Variants in ARMC9 observed in about 807,000 individuals in gnomAD.
ARMC9 encodes the protein armadillo repeat containing 9.
In ARMC9, 94 loss-of-function variants were observed where a neutral mutation model predicts 107.0. The observed-to-expected ratio is 0.88, with a 90% CI of 0.74 to 1.04. ARMC9 has a LOEUF of 1.04. Among genes scored for constraint, ARMC9 ranks in the 50% least tolerant of loss-of-function variants. ARMC9 has a pLI of 0.00. For missense variants in ARMC9, 942 were observed against 1,030.1 expected (o/e 0.91, Z 1.17); for synonymous variants, 380 against 396.9 (o/e 0.96, Z 0.51).
chr2:231,332,602 G>A (rs998469591), intron 20 of ARMC9, among the ~76,000 whole-genome samples: 2 of 152,134 alleles, frequency 1.3e-5, no homozygotes, highest in Admixed American at 6.5e-5. Flanking sequence ...ACTGGCTTAC[G>A]ACCCACCAGC....
chr2:231,326,995 C>T (rs1357326047), intron 19 of ARMC9, among the ~76,000 whole-genome samples: 2 of 152,142 alleles, frequency 1.3e-5, no homozygotes, highest in South Asian at 2.1e-4. Flanking sequence ...CACCCTTAGA[C>T]CACTCCAGCA....
chr2:231,252,929 T>A (rs2037437017), intron 9 of ARMC9, among the ~76,000 whole-genome samples: 1 of 151,532 alleles, frequency 6.6e-6, no homozygotes, highest in Admixed American at 6.6e-5. Context: ...CGTGAACGGC[T>A]ATGCCCAGCT....
intron 20 of ARMC9, 65 bp downstream of exon 20, chr2:231,331,962 G>T: frequency 1.5e-6 from 2 of 1,322,282 alleles, no homozygotes; most frequent in Non-Finnish European, 2.2e-6. Context: ...GATGGATTTC[G>T]TGTTTTCAGT....
At chr2:231,354,969 TC>T in intron 21 of ARMC9, among the ~76,000 whole-genome samples, 1 of 152,140 alleles carries the variant, frequency 6.6e-6, no homozygotes, top group Non-Finnish European at 1.5e-5. Flanking sequence ...CGAAGGTGTC[TC>T]CCCCAGCTTG....
chr2:231,305,615 AG>A (rs1234786880), intron 19 of ARMC9, among the ~76,000 whole-genome samples: 2 of 152,244 alleles, frequency 1.3e-5, no homozygotes, highest in Non-Finnish European at 2.9e-5. Context: ...TCCATCCAGC[AG>A]GCATTCAGCA....
At chr2:231,226,593 G>T (rs1472983117) in intron 6 of ARMC9, among the ~76,000 whole-genome samples, 181 bp from the exon 7 acceptor site, 1 of 152,092 alleles carries the variant, frequency 6.6e-6, no homozygotes, top group Non-Finnish European at 1.5e-5. Context: ...AATGGGAGTG[G>T]GTCAGGCCAG....
At chr2:231,328,805 T>TTTTG in intron 19 of ARMC9, among the ~76,000 whole-genome samples, 1 of 127,892 alleles carries the variant, frequency 7.8e-6, no homozygotes, top group Non-Finnish European at 1.7e-5. Flanking sequence ...TTCAATTTTC[T>TTTTG]TTTCTTTTCT....
chr2:231,250,025 G>A (rs969175416), intron 9 of ARMC9, among the ~76,000 whole-genome samples: 12 of 151,820 alleles, frequency 7.9e-5, no homozygotes, highest in African/African-American at 2.4e-4. Context: ...AGACCACCAC[G>A]TGCATTTGCA....
At chr2:231,338,718 T>C (rs1271651517) in intron 20 of ARMC9, among the ~76,000 whole-genome samples, 1 of 152,014 alleles carries the variant, frequency 6.6e-6, no homozygotes, top group East Asian at 1.9e-4. Context: ...TTATAAAATC[T>C]AGAAAAATAA....
At chr2:231,321,720 T>G (rs2043004500) in intron 19 of ARMC9, among the ~76,000 whole-genome samples, 1 of 152,108 alleles carries the variant, frequency 6.6e-6, no homozygotes, top group African/African-American at 2.4e-5. Context: ...GGATCCTGTT[T>G]GGAAGGGGCC....
At chr2:231,229,543 A>T (rs1191294617) in intron 7 of ARMC9, among the ~76,000 whole-genome samples, 1 of 152,266 alleles carries the variant, frequency 6.6e-6, no homozygotes, top group Non-Finnish European at 1.5e-5. Context: ...AAAAGGATAT[A>T]GAAATAGTAT....
Position 231,237,753 on chromosome 2 carries a change from G to GTATATATGTA in ARMC9, c.781-2183_781-2182insGTATATATAT, listed in dbSNP as rs1400573205. On this transcript the variant is annotated intron_variant, in intron 8 of 24. Transcript: ENST00000611582. ...TTTCATGTATTGTTCTTGGCTATAT[G>GTATATATGTA]TATATATATATATATATATATATAT... 4.0e-3 allele frequency among the ~76,000 whole-genome samples: 98 copies of GTATATATGTA among 24,440 alleles called. 1 individual carries two copies. The highest frequency in any genetic ancestry group is 0.029 in the Middle Eastern group (1 of 34). 16.0% of individuals were successfully genotyped at this position (24,440 alleles called of 152,430 possible).
At chr2:231,276,274 CTTT>C (rs577847028) in intron 14 of ARMC9, among the ~76,000 whole-genome samples, 3 of 143,248 alleles carry the variant, frequency 2.1e-5, no homozygotes, top group African/African-American at 2.5e-5. Context: ...ACTGTTTCTT[CTTT>C]TTTTTTTTTT....
chr2:231,296,950 A>G (rs1266642478), intron 19 of ARMC9, among the ~76,000 whole-genome samples: 1 of 152,030 alleles, frequency 6.6e-6, no homozygotes, highest in African/African-American at 2.4e-5. Context: ...GGGAGCAGTT[A>G]CTCCTGCAGT....
intron 1 of ARMC9, among the ~76,000 whole-genome samples, chr2:231,205,288 T>G (rs1355017161): frequency 6.6e-6 from 1 of 152,020 alleles, no homozygotes; most frequent in Non-Finnish European, 1.5e-5. Context: ...GAGGATCCCT[T>G]GAACCCAGGA....
chr2:231,333,348 C>G (rs2043866409), intron 20 of ARMC9, among the ~76,000 whole-genome samples: 1 of 152,214 alleles, frequency 6.6e-6, no homozygotes, highest in South Asian at 2.1e-4. Context: ...CATTTTCACT[C>G]TGCTGCTTTG....
rs145885317 is a variant in ARMC9, at chr2:231,266,253, T to C, written c.1119+3855T>C. On this transcript the variant is annotated intron_variant, in intron 12 of 24. Coordinates refer to ENST00000611582, the MANE Select transcript of ARMC9 (RefSeq NM_001352754.2). The stretch of plus-strand genomic sequence containing the variant: ...GGTCCCACCAACAGTTTCCATTCAA[T>C]AGGTCTATGGTGGGGCCCAAGGATT... 2.0e-5 allele frequency among the ~76,000 whole-genome samples: 3 copies of C among 152,308 alleles called. No individual in the cohort carries two copies. In the East Asian group the frequency reaches 5.8e-4, roughly 29 times the overall value.
At chr2:231,216,839 G>T in intron 5 of ARMC9, 46 bp downstream of exon 5, 4 of 1,577,098 alleles carry the variant, frequency 2.5e-6, no homozygotes, top group Non-Finnish European at 3.4e-6. Context: ...GGGTGACATT[G>T]TGGTTTTACC....
chr2:231,248,793 C>T lies in ARMC9; in HGVS notation c.880-7793C>T, dbSNP rs534062414. ...CTGCATTCCAGCCTGGGCAACAGAA[C>T]GAGGTTCTGTCTCAAAAAAAAAAAA... On this transcript the variant is annotated intron_variant, in intron 9 of 24. Coordinates refer to ENST00000611582, the MANE Select transcript of ARMC9 (RefSeq NM_001352754.2). 1.3e-4 allele frequency among the ~76,000 whole-genome samples: 16 copies of T among 120,336 alleles called. No homozygotes were observed. The East Asian group carries it at 1.6e-3, about 12-fold the overall frequency. The allele number at this position is 120,336 out of a possible 152,430, so 78.9% of individuals were successfully genotyped here.
Sources: gnomAD v4.1 joint callset for allele counts (sites outside exome capture counted in the v4.1 genomes callset) on GRCh38, gnomAD v4.1.1 for gene constraint, MANE v1.5 for transcripts, NCBI Gene and HGNC (gene_info 2026-07-23, HGNC 2026-07-21) for gene names.